The following PCDHGA2 variants were observed in gnomAD, a reference collection of about 807,000 sequenced individuals.
PCDHGA2 encodes the protein protocadherin gamma-A2.
PCDHGA2 carries 40 observed loss-of-function variants against 59.2 expected under a neutral mutation model. That is an observed-to-expected ratio of 0.68 (90% CI 0.52 to 0.88). The LOEUF (loss-of-function observed/expected upper bound fraction) is 0.88, where lower values mean the gene tolerates loss of function less well. PCDHGA2 is among the 40% of genes least tolerant of loss of function. The pLI is 0.00. For synonymous variants in PCDHGA2, 560 were observed against 526.0 expected (o/e 1.06, Z -0.89); for missense variants, 1,226 against 1,204.0 (o/e 1.02, Z -0.27).
In PCDHGA2 at chr5:141,432,293, G is replaced by T. The variant is rs765631138; in HGVS notation, c.2425-62514G>T. ...CTACGTGTCCATCAACTCCGACACT[G>T]GGGTACTGTATGCGCTGAGCTCCTT... On this transcript the variant is annotated intron_variant, in intron 1 of 3. Coordinates refer to ENST00000394576, the MANE Select transcript of PCDHGA2 (RefSeq NM_018915.4). The surrounding 1 kb of genome is among the most constrained non-coding windows in gnomAD (Gnocchi z 6.0). 1.2e-6 allele frequency: 2 copies of T among 1,614,136 alleles called. No individual in the cohort carries two copies. Among genetic ancestry groups the T allele is most frequent in the African/African-American group, 1.3e-5 (1 of 74,950 alleles).
intron 1 of PCDHGA2, chr5:141,382,977 C>T: frequency 6.2e-7 from 1 of 1,610,566 alleles, no homozygotes. Context: ...CCTGGGAAGC[C>T]TGGGCAGGAC....
At position 141,365,321 on chromosome 5, in the gene PCDHGA2, G is replaced by T. The variant is rs552296703; in HGVS notation, c.2424+23926G>T. ...GGATGGAGGCGCTCTTGTTGCCAGC[G>T]CTAAGGTGGTGGTCACAGTACAGGA... On this transcript the variant is annotated intron_variant, in intron 1 of 3. Transcript: ENST00000394576. 6.8e-6 allele frequency: 11 copies of T among 1,613,946 alleles called. No homozygotes were observed. In the African/African-American group the frequency reaches 1.3e-4, roughly 20 times the overall value.
intron 1 of PCDHGA2, chr5:141,384,771 C>A (rs568102289): frequency 1.2e-6 from 2 of 1,613,878 alleles, no homozygotes; most frequent in Non-Finnish European, 1.7e-6. Flanking sequence ...TGTACACGGG[C>A]GAGGTGCGCA....
intron 1 of PCDHGA2, among the ~76,000 whole-genome samples, chr5:141,354,798 A>T (rs1759635009): frequency 6.6e-6 from 1 of 152,264 alleles, no homozygotes; most frequent in African/African-American, 2.4e-5. Context: ...AAGAAAATAA[A>T]TAACTTCATA....
At position 141,340,240 on chromosome 5, in the gene PCDHGA2, C is replaced by A. The variant is rs529728428; in HGVS notation, c.1269C>A (p.Thr423=). The part of the protein sequence containing the change: ...EQFSFYNITL[T]AKDGGNPSLS... The stretch of plus-strand genomic sequence containing the variant: ...TTTCCTTTTACAACATCACTCTAAC[C>A]GCTAAAGATGGAGGGAACCCCTCCC... The change falls in exon 1 of 4, where the codon ACC becomes ACA. Residue 423 remains threonine (T), a synonymous_variant. Coordinates refer to ENST00000394576, the MANE Select transcript of PCDHGA2 (RefSeq NM_018915.4). 2.2e-5 allele frequency: 36 copies of A among 1,614,202 alleles called. 1 individual carries two copies. The South Asian group carries it at 3.4e-4, about 15-fold the overall frequency.
intron 1 of PCDHGA2, among the ~76,000 whole-genome samples, chr5:141,483,832 G>A (rs994540286): frequency 2.0e-5 from 3 of 152,134 alleles, no homozygotes; most frequent in African/African-American, 7.2e-5. Context: ...ACCTAGGTAA[G>A]GACTTGGTTG....
At chr5:141,410,851 T>A in intron 1 of PCDHGA2, 3 of 207,068 alleles carry the variant, frequency 1.4e-5, no homozygotes, top group Non-Finnish European at 1.7e-5. Flanking sequence ...GTCTTTGTCT[T>A]TTTTTTTTTT....
chr5:141,384,178 G>A, intron 1 of PCDHGA2: 2 of 1,613,788 alleles, frequency 1.2e-6, no homozygotes, highest in Non-Finnish European at 1.7e-6. Flanking sequence ...AGCCACAGAT[G>A]GTGGAACTCC....
intron 1 of PCDHGA2, chr5:141,400,209 G>A: frequency 6.2e-7 from 1 of 1,614,052 alleles, no homozygotes; most frequent in South Asian, 1.1e-5. Context: ...CCTTGGCCTT[G>A]ATCTCAGTGC....
At chr5:141,433,818 C>A (rs1286718725) in intron 1 of PCDHGA2, among the ~76,000 whole-genome samples, 7 of 133,614 alleles carry the variant, frequency 5.2e-5, no homozygotes, top group African/African-American at 5.8e-5. Flanking sequence ...GCCTGGGCAA[C>A]AAGAGTGAAA....
intron 1 of PCDHGA2, chr5:141,379,485 T>TA (rs755973263): frequency 2.0e-5 from 3 of 152,260 alleles, no homozygotes; most frequent in Non-Finnish European, 4.4e-5. Flanking sequence ...TATTTTACTA[T>TA]ACTACCAATT....
rs757308340 is a variant in PCDHGA2, at chr5:141,487,575, G to A, written c.2425-7232G>A. ...GCACCTATGGCAGGGGAGCCTGTTC[G>A]CCCAAGCTGCCCACCCTCTGATCTT... On this transcript the variant is annotated intron_variant, in intron 1 of 3. Coordinates refer to ENST00000394576, the MANE Select transcript of PCDHGA2 (RefSeq NM_018915.4). This position sits in a 1 kb window ranked among gnomAD's most constrained non-coding sequence, Gnocchi z 5.0. The A allele has an allele frequency of 3.1e-6, 5 of 1,614,018 alleles. No homozygotes were observed. In the African/African-American group the frequency reaches 4.0e-5, roughly 13 times the overall value.
intron 1 of PCDHGA2, chr5:141,475,974 A>G: frequency 1.0e-6 from 1 of 975,714 alleles, no homozygotes; most frequent in Non-Finnish European, 1.5e-6. Flanking sequence ...GCAGAGACTG[A>G]ACAGCCGGCG....
At position 141,490,745 on chromosome 5, in the gene PCDHGA2, C is replaced by A. The variant is rs769031787; in HGVS notation, c.2425-4062C>A. 1 of 1,614,238 alleles carries A rather than the reference C, an allele frequency of 6.2e-7. No homozygotes were observed. Among genetic ancestry groups the A allele is most frequent in the Non-Finnish European group, 8.5e-7 (1 of 1,180,042 alleles). ...GTAGGAAATCAGGTTCAGGGAGCCCCAGCCTCCTCCTTTGTGTATGTCAAC... is the reference window on the plus strand; with the variant it reads ...GTAGGAAATCAGGTTCAGGGAGCCCAAGCCTCCTCCTTTGTGTATGTCAAC... On this transcript the variant is annotated intron_variant, in intron 1 of 3. Transcript: ENST00000394576. The surrounding 1 kb of genome is among the most constrained non-coding windows in gnomAD (Gnocchi z 5.4).
At chr5:141,440,696 A>G (rs2098194818) in intron 1 of PCDHGA2, 1 of 152,210 alleles carries the variant, frequency 6.6e-6, no homozygotes, top group Non-Finnish European at 1.5e-5. Flanking sequence ...AAAGTGACCA[A>G]CAGTGGAAAG....
At chr5:141,412,890 T>G (rs2095584785) in intron 1 of PCDHGA2, 1 of 330,212 alleles carries the variant, frequency 3.0e-6, no homozygotes, top group Non-Finnish European at 5.4e-6. Context: ...AACAGAATAG[T>G]TTACTTTCCA....
At chr5:141,414,026 C>A in intron 1 of PCDHGA2, 1 of 1,612,468 alleles carries the variant, frequency 6.2e-7, no homozygotes, top group Non-Finnish European at 8.5e-7. Flanking sequence ...GTGACATATT[C>A]ATTCCGAAAA....
At chr5:141,393,590 G>C (rs778378242) in intron 1 of PCDHGA2, 2 of 1,613,896 alleles carry the variant, frequency 1.2e-6, no homozygotes, top group South Asian at 1.1e-5. Context: ...CCCCAGGCAC[G>C]CGGCTGCTTA....
chr5:141,478,097 A>G lies in PCDHGA2; in HGVS notation c.2425-16710A>G, dbSNP rs757796085. Reference sequence around the variant, plus strand: ...GGAGCCTTCGCTCTCCACCACTGCTACCCTCACTGTGTCAGTAACCGAGGA... The same window carrying G: ...GGAGCCTTCGCTCTCCACCACTGCTGCCCTCACTGTGTCAGTAACCGAGGA... On this transcript the variant is annotated intron_variant, in intron 1 of 3. Transcript: ENST00000394576. 9.9e-6 allele frequency: 16 copies of G among 1,613,666 alleles called. No homozygotes were observed. Among genetic ancestry groups the G allele is most frequent in the Admixed American group, 1.7e-5 (1 of 59,970 alleles).
Sources: allele counts gnomAD v4.1 joint callset (sites outside exome capture counted in the v4.1 genomes callset), GRCh38; gene constraint gnomAD v4.1.1; non-coding constraint Gnocchi (gnomAD v3.1); transcripts MANE v1.5; gene names NCBI Gene and HGNC (gene_info 2026-07-23, HGNC 2026-07-21).